Variants in ANKRD28 observed in about 807,000 individuals in gnomAD.
ANKRD28 encodes ankyrin repeat domain 28, also known as serine/threonine-protein phosphatase 6 regulatory ankyrin repeat subunit A.
In ANKRD28, 44 loss-of-function variants were observed where a neutral mutation model predicts 126.5. That is an observed-to-expected ratio of 0.35 (90% CI 0.27 to 0.45). ANKRD28 has a LOEUF of 0.45. Ranked by LOEUF, ANKRD28 falls within the 20% of genes least tolerant of loss-of-function variation. ANKRD28 has a pLI of 1.00. For synonymous variants in ANKRD28, 442 were observed against 468.5 expected, an observed-to-expected ratio of 0.94 and a Z score of 0.73; for missense variants, 1,110 against 1,316.6, an observed-to-expected ratio of 0.84 and a Z score of 2.43.
intron 14 of ANKRD28, among the ~76,000 whole-genome samples, chr3:15,707,249 G>A (rs112481901): frequency 0.012 from 1,367 of 115,586 alleles, 10 homozygotes; most frequent in Middle Eastern, 0.045. Context: ...GTTTATTTTC[G>A]TGCAAGAAGA....
In ANKRD28 at chr3:15,737,806, C is replaced by T. The variant is rs544721724; in HGVS notation, c.352-573G>A. On this transcript the variant is annotated intron_variant, in intron 4 of 27. Transcript: ENST00000683139. ...ACAATTTTAAGCAATAGATTTTTTA[C>T]ACTGCATATATAAAAATTAAAAACA... Among the ~76,000 whole-genome samples the T allele has an allele frequency of 1.5e-4, 22 of 151,648 alleles. No individual in the cohort carries two copies. The South Asian group carries it at 4.6e-3, about 32-fold the overall frequency.
At position 15,830,986 on chromosome 3, in the gene ANKRD28, T is replaced by TG. The variant is rs1415058019; in HGVS notation, c.27+28390dup. On this transcript the variant is annotated intron_variant, in intron 1 of 27. Coordinates refer to the ANKRD28 transcript ENST00000399451. This position sits in a 1 kb window ranked among gnomAD's most constrained non-coding sequence, Gnocchi z 4.5. ...CTCCTTGCGTGTCACCATATATTGTTGCTGGGAAAAGTAAGCACTGTCTGC... is the reference window on the plus strand; with the variant it reads ...CTCCTTGCGTGTCACCATATATTGTTGGCTGGGAAAAGTAAGCACTGTCTGC... Among the ~76,000 whole-genome samples, 2 of 152,198 alleles carry TG rather than the reference T, an allele frequency of 1.3e-5. No individual in the cohort carries two copies. The highest frequency in any genetic ancestry group is 2.9e-5 in the Non-Finnish European group (2 of 68,032).
In ANKRD28 at chr3:15,834,355, G is replaced by A. The variant is rs369799801; in HGVS notation, c.27+25022C>T. ...TGTATATTCTTGTTGATGATTAGCT[G>A]GTTGTAGGTATGTGGCTTTATTTCT... On this transcript the variant is annotated intron_variant, in intron 1 of 27. Transcript: ENST00000399451. Among the ~76,000 whole-genome samples, 4 of 152,030 alleles carry A rather than the reference G, an allele frequency of 2.6e-5. No homozygotes were observed. In the East Asian group the frequency reaches 7.7e-4, roughly 29 times the overall value.
At chr3:15,805,679 T>C (rs147889180) in intron 1 of ANKRD28, among the ~76,000 whole-genome samples, 71 of 152,344 alleles carry the variant, frequency 4.7e-4, no homozygotes, top group Non-Finnish European at 7.9e-4. Flanking sequence ...GGAAAGATTA[T>C]GTGCAATTCA....
intron 1 of ANKRD28, among the ~76,000 whole-genome samples, chr3:15,852,262 G>A (rs1322111607): frequency 1.3e-5 from 2 of 152,144 alleles, no homozygotes; most frequent in Non-Finnish European, 2.9e-5. Context: ...TTGTTCAAGA[G>A]AAAAGGCTGC....
intron 2 of ANKRD28, among the ~76,000 whole-genome samples, chr3:15,793,508 AC>A (rs2060128656): frequency 6.6e-6 from 1 of 152,176 alleles, no homozygotes; most frequent in Non-Finnish European, 1.5e-5. Context: ...ATTAAATATA[AC>A]ATAAAAGTAA....
intron 1 of ANKRD28, among the ~76,000 whole-genome samples, chr3:15,837,894 GAA>G (rs60317341): frequency 4.7e-4 from 44 of 94,196 alleles, no homozygotes; most frequent in East Asian, 1.6e-3. Flanking sequence ...AAGCTAACCA[GAA>G]AAAAAAAAAA....
Position 15,796,476 on chromosome 3 carries a change from AT to A in ANKRD28, c.45del (p.Glu15AspfsTer43). On this transcript the variant is annotated frameshift_variant, in exon 1 of 28. Coordinates refer to ENST00000683139, the MANE Select transcript of ANKRD28 (RefSeq NM_001349278.2). LOFTEE classifies it high-confidence loss of function. Reference protein sequence around the residue: ...CIVVLEEVEDESPAFISKLPQ... With the variant: ...CIVVLEEVEDXSPAFISKLPQ... ...GGCAATTTAGAAATGAATGCAGGAG[AT>A]TCATCTTCTACCTCCTCCAAAACAA... 5 of 1,286,602 alleles carry A rather than the reference AT, an allele frequency of 3.9e-6. No individual in the cohort carries two copies. Among genetic ancestry groups the A allele is most frequent in the Non-Finnish European group, 5.1e-6 (5 of 986,146 alleles). 79.7% of individuals were successfully genotyped at this position (1,286,602 alleles called of 1,614,324 possible).
chr3:15,717,554 A>G (rs2073215372), intron 8 of ANKRD28, among the ~76,000 whole-genome samples: 1 of 152,110 alleles, frequency 6.6e-6, no homozygotes, highest in Non-Finnish European at 1.5e-5. Flanking sequence ...AACAAAAACC[A>G]AAATTTAGAG....
rs939585320 is a variant in ANKRD28 at position 15,853,044 on chromosome 3, G to A, written c.27+6333C>T. 2.6e-5 allele frequency among the ~76,000 whole-genome samples: 4 copies of A among 151,864 alleles called. No individual in the cohort carries two copies. Among genetic ancestry groups the A allele is most frequent in the East Asian group, 1.9e-4 (1 of 5,178 alleles). ...AATTTAATAGCATAACTAAGAATTG[G>A]GGATGAGGGATGGGAATGGAAATTA... On this transcript the variant is annotated intron_variant, in intron 1 of 27. Transcript: ENST00000399451. The surrounding 1 kb of genome is among the most constrained non-coding windows in gnomAD (Gnocchi z 4.2).
At chr3:15,741,867 CCTGCGATTG>C (rs1226354425) in intron 4 of ANKRD28, among the ~76,000 whole-genome samples, 232 of 152,138 alleles carry the variant, frequency 1.5e-3, no homozygotes, top group African/African-American at 5.0e-3. Flanking sequence ...CTGCCGAGTG[CCTGCGATTG>C]CAGGCGCGCG....
At chr3:15,811,721 G>A (rs574457437) in intron 1 of ANKRD28, among the ~76,000 whole-genome samples, 1 of 151,622 alleles carries the variant, frequency 6.6e-6, no homozygotes, top group African/African-American at 2.4e-5. Context: ...CCAAAGTACT[G>A]GGATTACAGG....
At chr3:15,844,448 GA>G (rs139874890) in intron 1 of ANKRD28, among the ~76,000 whole-genome samples, 4 of 144,852 alleles carry the variant, frequency 2.8e-5, no homozygotes, top group Admixed American at 6.9e-5. Flanking sequence ...TGTGGTCAGA[GA>G]AAAAAAAAAC....
intron 4 of ANKRD28, among the ~76,000 whole-genome samples, chr3:15,743,185 G>C (rs529506943): frequency 5.9e-5 from 9 of 152,128 alleles, no homozygotes; most frequent in South Asian, 2.1e-4. Context: ...CAGCATGCTC[G>C]TTAAGAGTCA....
chr3:15,849,911 A>T (rs1293034492), intron 1 of ANKRD28, among the ~76,000 whole-genome samples: 1 of 152,030 alleles, frequency 6.6e-6, no homozygotes, highest in Middle Eastern at 3.2e-3. Context: ...GCCTGGTGTC[A>T]ATGTGGTTTC....
At chr3:15,792,429 T>A (rs555158468) in intron 2 of ANKRD28, among the ~76,000 whole-genome samples, 2 of 152,090 alleles carry the variant, frequency 1.3e-5, no homozygotes, top group Non-Finnish European at 2.9e-5. Flanking sequence ...AGGGATAGAA[T>A]TGGAGATCAT....
exon 1 of ANKRD28, chr3:15,859,407 G>T (rs1282940326): frequency 2.0e-6 from 3 of 1,526,300 alleles, no homozygotes; most frequent in Non-Finnish European, 2.6e-6. Context: ...ACGCCATGGC[G>T]GTCGCCTCCG....
chr3:15,688,091 G>A (rs1559337975), intron 18 of ANKRD28, among the ~76,000 whole-genome samples: 3 of 152,162 alleles, frequency 2.0e-5, no homozygotes, highest in African/African-American at 2.4e-5. Flanking sequence ...GATTTATGCT[G>A]AACTATATGG....
intron 1 of ANKRD28, among the ~76,000 whole-genome samples, chr3:15,827,002 G>C (rs1038870936): frequency 6.6e-6 from 1 of 152,060 alleles, no homozygotes; most frequent in African/African-American, 2.4e-5. Context: ...AAATGGCCAA[G>C]TATATATTTT....
Sources: gnomAD v4.1 joint callset for allele counts (sites outside exome capture counted in the v4.1 genomes callset) on GRCh38, gnomAD v4.1.1 for gene constraint, Gnocchi (gnomAD v3.1) non-coding constraint, MANE v1.5 for transcripts, NCBI Gene and HGNC (gene_info 2026-07-23, HGNC 2026-07-21) for gene names.